The following MAP7 variants were observed in gnomAD, a reference collection of about 807,000 sequenced individuals.
The protein encoded by MAP7 is microtubule associated protein 7.
Under a neutral mutation model 94.8 loss-of-function variants are expected in MAP7, and 52 were observed. That is an observed-to-expected ratio of 0.55 (90% CI 0.44 to 0.69). MAP7 has a LOEUF of 0.69. Among genes scored for constraint, MAP7 ranks in the 30% least tolerant of loss-of-function variants. The pLI is 0.00. For missense variants in MAP7, 940 were observed against 964.6 expected (o/e 0.97, Z 0.34); for synonymous variants, 350 against 357.0 (o/e 0.98, Z 0.22).
chr6:136,372,380 G>T, intron 8 of MAP7, 121 bp downstream of exon 8: 1 of 1,135,486 alleles, frequency 8.8e-7, no homozygotes, highest in Non-Finnish European at 1.2e-6. Flanking sequence ...GGGAAAGATG[G>T]GATGGTGGAT....
intron 1 of MAP7, among the ~76,000 whole-genome samples, chr6:136,513,365 G>A (rs9399184): frequency 0.28 from 42,802 of 152,054 alleles, 8,028 homozygotes; most frequent in African/African-American, 0.53. Flanking sequence ...TGTTCACAGC[G>A]TCTTCACCGT....
chr6:136,398,939 G>A (rs919382720), intron 3 of MAP7, among the ~76,000 whole-genome samples: 3 of 152,128 alleles, frequency 2.0e-5, no homozygotes, highest in Non-Finnish European at 4.4e-5. Context: ...CTCTGAACAG[G>A]CTTACTTCTG....
chr6:136,465,659 T>C (rs978352711), intron 1 of MAP7, among the ~76,000 whole-genome samples: 10 of 152,204 alleles, frequency 6.6e-5, no homozygotes, highest in African/African-American at 2.4e-4. Flanking sequence ...ATCACCTGTC[T>C]GAAATCACAG....
chr6:136,375,315 C>T (rs1775776373), intron 7 of MAP7, among the ~76,000 whole-genome samples: 1 of 152,118 alleles, frequency 6.6e-6, no homozygotes, highest in South Asian at 2.1e-4. Flanking sequence ...AAAGTCAACC[C>T]AAAGCAGTGG....
chr6:136,483,129 C>CAAAA (rs57320038), intron 1 of MAP7, among the ~76,000 whole-genome samples: 870 of 83,026 alleles, frequency 0.01, 7 homozygotes, highest in African/African-American at 0.03. Context: ...AAGTATCTTT[C>CAAAA]AAAAAAAAAA....
intron 1 of MAP7, among the ~76,000 whole-genome samples, chr6:136,521,720 C>A (rs899291658): frequency 6.6e-6 from 1 of 152,164 alleles, no homozygotes; most frequent in Non-Finnish European, 1.5e-5. Context: ...TTAAAAGACT[C>A]TTTGCCCATT....
intron 1 of MAP7, among the ~76,000 whole-genome samples, chr6:136,423,901 GTTC>G (rs1309616950): frequency 1.3e-5 from 2 of 151,876 alleles, no homozygotes; most frequent in Admixed American, 1.3e-4. Flanking sequence ...GGTTCAAGCA[GTTC>G]TTCTGCCTCA....
At chr6:136,427,794 A>G (rs1582882799) in intron 1 of MAP7, among the ~76,000 whole-genome samples, 2 of 152,236 alleles carry the variant, frequency 1.3e-5, no homozygotes, top group Non-Finnish European at 2.9e-5. Flanking sequence ...GCTATGGTAG[A>G]CTTCAGCAGA....
intron 2 of MAP7, among the ~76,000 whole-genome samples, chr6:136,417,100 C>T (rs1008638593): frequency 3.3e-5 from 5 of 152,140 alleles, no homozygotes; most frequent in East Asian, 1.9e-4. Context: ...GCCTGGGCGA[C>T]GGAGTGAGAC....
chr6:136,471,578 T>C (rs1317162317), intron 1 of MAP7, among the ~76,000 whole-genome samples: 2 of 152,128 alleles, frequency 1.3e-5, no homozygotes, highest in Non-Finnish European at 1.5e-5. Context: ...CCAAGTTATA[T>C]AGTACCTTGG....
intron 1 of MAP7, among the ~76,000 whole-genome samples, chr6:136,531,812 T>C (rs999464663): frequency 5.9e-5 from 9 of 152,118 alleles, no homozygotes; most frequent in African/African-American, 2.2e-4. Context: ...GCTCCTGCAA[T>C]AGTCCAGATG....
At chr6:136,492,932 T>C (rs1817058941) in intron 1 of MAP7, among the ~76,000 whole-genome samples, 1 of 152,096 alleles carries the variant, frequency 6.6e-6, no homozygotes, top group African/African-American at 2.4e-5. Context: ...AATTTTATTA[T>C]GTAAAATTAA....
intron 1 of MAP7, among the ~76,000 whole-genome samples, chr6:136,476,775 G>A (rs1811067481): frequency 1.3e-5 from 2 of 152,126 alleles, no homozygotes; most frequent in Admixed American, 1.3e-4. Flanking sequence ...GTATACATGT[G>A]TGTGTATATA....
At chr6:136,390,007 C>G (rs1780253487) in intron 3 of MAP7, among the ~76,000 whole-genome samples, 1 of 152,148 alleles carries the variant, frequency 6.6e-6, no homozygotes, top group Non-Finnish European at 1.5e-5. Context: ...CACATTGAGT[C>G]AGCTCAGGGA....
At chr6:136,532,279 G>A (rs1358449717) in intron 1 of MAP7, among the ~76,000 whole-genome samples, 4 of 152,046 alleles carry the variant, frequency 2.6e-5, no homozygotes, top group African/African-American at 7.2e-5. Context: ...CATACTACAT[G>A]GTACTCGCAA....
intron 1 of MAP7, among the ~76,000 whole-genome samples, chr6:136,425,356 C>A (rs1792835820): frequency 6.6e-6 from 1 of 152,142 alleles, no homozygotes; most frequent in South Asian, 2.1e-4. Flanking sequence ...GGCATACAGC[C>A]CCTTTGTGGA....
At chr6:136,384,906 T>C (rs552786285) in intron 5 of MAP7, among the ~76,000 whole-genome samples, 1 of 152,354 alleles carries the variant, frequency 6.6e-6, no homozygotes, top group South Asian at 2.1e-4. Context: ...ATAAACGGTG[T>C]TCCTCAAATA....
At chr6:136,350,544 G>A (rs770945794) in intron 16 of MAP7, among the ~76,000 whole-genome samples, 3 of 152,176 alleles carry the variant, frequency 2.0e-5, no homozygotes, top group Non-Finnish European at 4.4e-5. Context: ...TTTTGGGGAT[G>A]GATTTTAAAG....
At chr6:136,372,425 C>A in intron 8 of MAP7, 76 bp downstream of exon 8, 1 of 1,565,932 alleles carries the variant, frequency 6.4e-7, no homozygotes, top group Non-Finnish European at 8.7e-7. Context: ...CACACCACAG[C>A]TCAGGGTCAT....
Sources: gnomAD v4.1 joint callset for allele counts (sites outside exome capture counted in the v4.1 genomes callset) on GRCh38, gnomAD v4.1.1 for gene constraint, MANE v1.5 for transcripts, NCBI Gene and HGNC (gene_info 2026-07-23, HGNC 2026-07-21) for gene names.